The following CYP4F22 variants were observed in gnomAD, a reference collection of about 807,000 sequenced individuals.
CYP4F22 encodes ultra-long-chain fatty acid omega-hydroxylase.
CYP4F22 carries 37 observed loss-of-function variants against 60.4 expected under a neutral mutation model. That is an observed-to-expected ratio of 0.61 (90% CI 0.47 to 0.81). The LOEUF is 0.81. Among genes scored for constraint, CYP4F22 ranks in the 30% least tolerant of loss-of-function variants. CYP4F22 has a pLI of 0.00. For missense variants in CYP4F22, 655 were observed against 715.0 expected, an observed-to-expected ratio of 0.92 and a Z score of 0.96; for synonymous variants, 258 against 280.5, an observed-to-expected ratio of 0.92 and a Z score of 0.80.
chr19:15,550,145 G>A (rs1971577576), intron 12 of CYP4F22, among the ~76,000 whole-genome samples: 1 of 152,064 alleles, frequency 6.6e-6, no homozygotes, highest in African/African-American at 2.4e-5. Flanking sequence ...TGGCCAGGCT[G>A]GTCTTGAACT....
chr19:15,542,218 T>A (rs1382861503), intron 8 of CYP4F22, among the ~76,000 whole-genome samples: 3 of 152,054 alleles, frequency 2.0e-5, no homozygotes, highest in African/African-American at 7.2e-5. Flanking sequence ...TTTTTCTTGT[T>A]TTTTAAAAAT....
At chr19:15,518,517 C>T (rs1300338384) in intron 1 of CYP4F22, among the ~76,000 whole-genome samples, 7 of 148,922 alleles carry the variant, frequency 4.7e-5, no homozygotes, top group Admixed American at 1.3e-4. Context: ...GGCGTGGTGG[C>T]AGGCGCCTGT....
intron 7 of CYP4F22, 26 bp from the exon 8 acceptor site, chr19:15,540,424 C>A (rs762207208): frequency 6.2e-7 from 1 of 1,614,002 alleles, no homozygotes; most frequent in Non-Finnish European, 8.5e-7. Context: ...AGGGGCTACA[C>A]TCATGGATCC....
At chr19:15,541,540 G>C (rs1032825559) in intron 8 of CYP4F22, among the ~76,000 whole-genome samples, 1 of 152,066 alleles carries the variant, frequency 6.6e-6, no homozygotes, top group East Asian at 1.9e-4. Context: ...TAGCGGAGGG[G>C]GGGTGGGCAG....
chr19:15,549,050 C>T, intron 11 of CYP4F22, 88 bp from the exon 12 acceptor site: 1 of 1,466,276 alleles, frequency 6.8e-7, no homozygotes, highest in Non-Finnish European at 9.5e-7. Flanking sequence ...ATGGGAACAT[C>T]ATGGCTCTAG....
Position 15,537,358 on chromosome 19 carries a change from C to T in CYP4F22, c.368-3C>T, listed in dbSNP as rs372110320. 29 of 1,614,010 alleles carry T rather than the reference C, an allele frequency of 1.8e-5. No homozygotes were observed. Among genetic ancestry groups the T allele is most frequent in the Non-Finnish European group, 2.5e-5 (29 of 1,180,034 alleles). On this transcript the variant is annotated splice_region_variant and splice_polypyrimidine_tract_variant and intron_variant, in intron 4 of 13. Transcript: ENST00000269703. The stretch of plus-strand genomic sequence containing the variant: ...GTCACCATTTTCCCTTTGCCCTCCA[C>T]AGCTGCCATCGCCCCCAAGGATGAC...
chr19:15,526,268 G>T (rs1287427767), intron 3 of CYP4F22, among the ~76,000 whole-genome samples: 3 of 152,186 alleles, frequency 2.0e-5, no homozygotes, highest in African/African-American at 7.2e-5. Context: ...GGTTGGAGGA[G>T]GAGAGGGGAA....
intron 3 of CYP4F22, among the ~76,000 whole-genome samples, chr19:15,527,610 G>A (rs1038460440): frequency 6.6e-6 from 1 of 152,234 alleles, no homozygotes; most frequent in African/African-American, 2.4e-5. Flanking sequence ...ACGTTGTCCT[G>A]CCCAGCTCCT....
At chr19:15,550,954 G>C (rs1971588049) in intron 13 of CYP4F22, among the ~76,000 whole-genome samples, 198 bp downstream of exon 13, 1 of 152,084 alleles carries the variant, frequency 6.6e-6, no homozygotes. Flanking sequence ...AGCACCAACG[G>C]TGTGTCAGGC....
At chr19:15,523,998 T>C (rs535243734) in intron 2 of CYP4F22, among the ~76,000 whole-genome samples, 199 bp downstream of exon 2, 6 of 149,704 alleles carry the variant, frequency 4.0e-5, no homozygotes, top group Non-Finnish European at 7.4e-5. Context: ...AGGTCAAGGC[T>C]GGAGCGAGTC....
intron 1 of CYP4F22, chr19:15,516,859 C>T (rs1654594): frequency 0.22 from 61,001 of 274,054 alleles, 8,787 homozygotes; most frequent in East Asian, 0.63. Flanking sequence ...TTTTTTGAGA[C>T]GGAGTCTGTT....
At chr19:15,528,156 T>C (rs1434950636) in intron 3 of CYP4F22, among the ~76,000 whole-genome samples, 1 of 152,126 alleles carries the variant, frequency 6.6e-6, no homozygotes, top group Non-Finnish European at 1.5e-5. Context: ...GAGCCCACTC[T>C]GCAAGTGAAA....
chr19:15,549,923 A>G (rs1316439946), intron 12 of CYP4F22, among the ~76,000 whole-genome samples: 1 of 151,724 alleles, frequency 6.6e-6, no homozygotes, highest in Non-Finnish European at 1.5e-5. Context: ...AGCTATGGTT[A>G]TTTATTTATT....
chr19:15,526,904 C>G (rs138331389), intron 3 of CYP4F22, among the ~76,000 whole-genome samples: 94 of 152,170 alleles, frequency 6.2e-4, no homozygotes, highest in African/African-American at 2.2e-3. Context: ...AAGTGCATGC[C>G]CCCACGCCTG....
At chr19:15,518,859 G>A (rs1271369649) in intron 1 of CYP4F22, among the ~76,000 whole-genome samples, 1 of 151,976 alleles carries the variant, frequency 6.6e-6, no homozygotes, top group Non-Finnish European at 1.5e-5. Context: ...GAGAAAGGAT[G>A]GAACTCAGGG....
chr19:15,514,327 A>T (rs1301438315), intron 1 of CYP4F22, among the ~76,000 whole-genome samples: 2 of 152,222 alleles, frequency 1.3e-5, no homozygotes, highest in Non-Finnish European at 2.9e-5. Context: ...TGATAAAGTC[A>T]GTCTCAGAAA....
rs1486367391 is a variant in CYP4F22 at position 15,523,699 on chromosome 19, G to C, written c.-102G>C. 1 of 152,156 alleles carries C rather than the reference G, an allele frequency of 6.6e-6. No individual in the cohort carries two copies. The highest frequency in any genetic ancestry group is 2.4e-5 in the African/African-American group (1 of 41,416). The allele number at this position is 152,156 out of a possible 1,614,324, so 9.4% of individuals were successfully genotyped here. ...CTTTGTTTTGGTTCCTTAGGAGCTG[G>C]CCCTAAAGCAAGGACCTGAGTGCAA... is the stretch of plus-strand genomic sequence containing the variant. On this transcript the variant is annotated 5_prime_UTR_variant, in exon 2 of 14. Coordinates refer to ENST00000269703, the MANE Select transcript of CYP4F22 (RefSeq NM_173483.4).
chr19:15,549,012 A>G, intron 11 of CYP4F22, 126 bp from the exon 12 acceptor site: 3 of 1,009,028 alleles, frequency 3.0e-6, no homozygotes, highest in Non-Finnish European at 4.6e-6. Flanking sequence ...TTAGAGAAGG[A>G]TGGACAGAAG....
chr19:15,529,683 C>T (rs1971320647), intron 3 of CYP4F22, 26 bp from the exon 4 acceptor site: 3 of 1,613,718 alleles, frequency 1.9e-6, no homozygotes, highest in Non-Finnish European at 2.5e-6. Flanking sequence ...GGTACCTCCT[C>T]ATTGCTCCTC....
Sources: allele counts gnomAD v4.1 joint callset (sites outside exome capture counted in the v4.1 genomes callset), GRCh38; gene constraint gnomAD v4.1.1; transcripts MANE v1.5; gene names NCBI Gene and HGNC (gene_info 2026-07-23, HGNC 2026-07-21).